STAG1: variants seen among roughly 807,000 people sequenced by gnomAD.
STAG1 encodes the protein cohesin subunit SA-1.
A neutral mutation model predicts 170.9 loss-of-function variants in STAG1; 26 were observed. That is an observed-to-expected ratio of 0.15 (90% confidence interval 0.11 to 0.21). The LOEUF (loss-of-function observed/expected upper bound fraction) is 0.21, where lower values mean the gene tolerates loss of function less well. STAG1 is among the 10% of genes least tolerant of loss of function. The probability of loss-of-function intolerance (pLI) is 1.00; values close to 1 mark genes in which losing one functional copy is unlikely to be tolerated. For synonymous variants in STAG1, 514 were observed against 497.7 expected, an observed-to-expected ratio of 1.03 and a Z score of -0.44; for missense variants, 964 against 1,509.5, an observed-to-expected ratio of 0.64 and a Z score of 5.99.
intron 4 of STAG1, among the ~76,000 whole-genome samples, chr3:136,599,756 T>G (rs1938585230): frequency 1.3e-5 from 2 of 152,208 alleles, no homozygotes; most frequent in Non-Finnish European, 2.9e-5. Context: ...TTTTCCTCAG[T>G]AACATAATGT....
At chr3:136,700,472 T>G (rs545733954) in intron 1 of STAG1, among the ~76,000 whole-genome samples, 28 of 151,140 alleles carry the variant, frequency 1.9e-4, no homozygotes, top group African/African-American at 6.6e-4. Flanking sequence ...CAGGCTGGAG[T>G]ACAATGGTGT....
chr3:136,674,458 A>G (rs541855704), intron 1 of STAG1, among the ~76,000 whole-genome samples: 1 of 152,336 alleles, frequency 6.6e-6, no homozygotes, highest in African/African-American at 2.4e-5. Context: ...TGTCACTTAT[A>G]TAGTGATAGA....
At chr3:136,416,481 G>A (rs1464607387) in intron 21 of STAG1, among the ~76,000 whole-genome samples, 1 of 152,196 alleles carries the variant, frequency 6.6e-6, no homozygotes, top group Non-Finnish European at 1.5e-5. Flanking sequence ...GGTATAGTAA[G>A]TCTAAAAATT....
At chr3:136,596,563 C>G (rs1047434737) in intron 4 of STAG1, among the ~76,000 whole-genome samples, 2 of 152,016 alleles carry the variant, frequency 1.3e-5, no homozygotes, top group Non-Finnish European at 2.9e-5. Context: ...TCATATAAAC[C>G]TTTGTGGTCC....
intron 3 of STAG1, among the ~76,000 whole-genome samples, chr3:136,618,947 T>G (rs987464119): frequency 1.3e-5 from 2 of 152,188 alleles, no homozygotes; most frequent in African/African-American, 4.8e-5. Context: ...TGCAACTTAC[T>G]CCAAAACAGT....
At position 136,668,226 on chromosome 3, in the gene STAG1, C is replaced by T. The variant is rs557302502; in HGVS notation, c.-83-37245G>A. 9.4e-5 allele frequency among the ~76,000 whole-genome samples: 14 copies of T among 149,462 alleles called. No individual in the cohort carries two copies. The South Asian group carries it at 2.7e-3, about 29-fold the overall frequency. ...TTCTAGCCGAGGCAACAGAGTGAGA[C>T]TGTCTCAAATATATATATATATAAA... On this transcript the variant is annotated intron_variant, in intron 1 of 33. Coordinates refer to ENST00000383202, the MANE Select transcript of STAG1 (RefSeq NM_005862.3).
chr3:136,599,322 G>A (rs1308501001), intron 4 of STAG1, among the ~76,000 whole-genome samples: 1 of 152,036 alleles, frequency 6.6e-6, no homozygotes, highest in Non-Finnish European at 1.5e-5. Flanking sequence ...TTGAGTCCAG[G>A]AGTTCAAGAC....
chr3:136,630,443 T>G (rs1940288501), intron 2 of STAG1, among the ~76,000 whole-genome samples: 1 of 152,180 alleles, frequency 6.6e-6, no homozygotes, highest in South Asian at 2.1e-4. Flanking sequence ...CACCAAACTA[T>G]TTTTTGTAAA....
At chr3:136,376,002 A>G (rs1039810271) in intron 23 of STAG1, among the ~76,000 whole-genome samples, 1 of 134,480 alleles carries the variant, frequency 7.4e-6, no homozygotes, top group East Asian at 2.0e-4. Flanking sequence ...ATAAATAAAT[A>G]AATAAATAAT....
chr3:136,478,322 A>G lies in STAG1; in HGVS notation c.903-910T>C, dbSNP rs369747602. 2.6e-5 allele frequency among the ~76,000 whole-genome samples: 4 copies of G among 152,316 alleles called. No homozygotes were observed. In the East Asian group the frequency reaches 7.7e-4, roughly 29 times the overall value. ...TGCCTAGATGGCTTTTCACCTCACC[A>G]TAAGTAAGCATCCAATATAACCCTC... On this transcript the variant is annotated intron_variant, in intron 9 of 33. Transcript: ENST00000383202.
At chr3:136,601,116 C>T (rs929889220) in intron 4 of STAG1, among the ~76,000 whole-genome samples, 3 of 152,102 alleles carry the variant, frequency 2.0e-5, no homozygotes, top group African/African-American at 7.2e-5. Flanking sequence ...CCGCCTCAGC[C>T]TCCCAAGGTG....
At chr3:136,460,761 C>T (rs1273293463) in intron 13 of STAG1, among the ~76,000 whole-genome samples, 2 of 151,786 alleles carry the variant, frequency 1.3e-5, no homozygotes, top group African/African-American at 2.4e-5. Flanking sequence ...GAACTAACAC[C>T]AATTCTACTC....
chr3:136,478,194 G>A (rs867670974), intron 9 of STAG1, among the ~76,000 whole-genome samples: 1 of 152,100 alleles, frequency 6.6e-6, no homozygotes. Flanking sequence ...TATTTTTTAG[G>A]CTGAGACGGA....
At chr3:136,374,922 T>A (rs921021227) in intron 23 of STAG1, among the ~76,000 whole-genome samples, 1 of 152,160 alleles carries the variant, frequency 6.6e-6, no homozygotes, top group Non-Finnish European at 1.5e-5. Flanking sequence ...ATACCATTTT[T>A]AAATCTTTTA....
intron 6 of STAG1, among the ~76,000 whole-genome samples, chr3:136,533,698 A>G (rs1375939513): frequency 6.6e-6 from 1 of 152,202 alleles, no homozygotes. Context: ...ATCTGTCCCC[A>G]TGACCCAAAC....
intron 1 of STAG1, among the ~76,000 whole-genome samples, chr3:136,640,372 T>TC (rs1940744554): frequency 6.6e-6 from 1 of 151,138 alleles, no homozygotes. Context: ...AGATAACTTT[T>TC]TTTTTTTTTT....
At chr3:136,698,875 C>T (rs980693466) in intron 1 of STAG1, among the ~76,000 whole-genome samples, 7 of 152,124 alleles carry the variant, frequency 4.6e-5, no homozygotes, top group Non-Finnish European at 1.0e-4. Flanking sequence ...TAAAATACTC[C>T]TCAGCCACAA....
chr3:136,734,677 C>G (rs934411899), intron 1 of STAG1, among the ~76,000 whole-genome samples: 1 of 152,072 alleles, frequency 6.6e-6, no homozygotes, highest in Non-Finnish European at 1.5e-5. Flanking sequence ...ATTTCATTAA[C>G]CCTATTGGTT....
At chr3:136,466,165 C>G (rs1255400273) in intron 12 of STAG1, among the ~76,000 whole-genome samples, 1 of 152,128 alleles carries the variant, frequency 6.6e-6, no homozygotes, top group Non-Finnish European at 1.5e-5. Context: ...ATGACTTTCA[C>G]GAGCTGACAG....
Sources: allele counts gnomAD v4.1 joint callset (sites outside exome capture counted in the v4.1 genomes callset), GRCh38; gene constraint gnomAD v4.1.1; transcripts MANE v1.5; gene names NCBI Gene and HGNC (gene_info 2026-07-23, HGNC 2026-07-21).